Variants in FER1L5 observed in about 807,000 individuals in gnomAD.
FER1L5 encodes fer-1-like protein 5.
In FER1L5, 187 loss-of-function variants were observed where a neutral mutation model predicts 279.9. The ratio of observed to expected loss-of-function variants is 0.67; its 90% CI spans 0.59 to 0.75. The LOEUF (loss-of-function observed/expected upper bound fraction) is 0.75, where lower values mean the gene tolerates loss of function less well. Ranked by LOEUF, FER1L5 falls within the 30% of genes least tolerant of loss-of-function variation. FER1L5 has a pLI of 0.00. For missense variants in FER1L5, 2,091 were observed against 2,594.4 expected, an observed-to-expected ratio of 0.81 and a Z score of 4.21; for synonymous variants, 921 against 989.7, an observed-to-expected ratio of 0.93 and a Z score of 1.30.
chr2:96,643,990 G>A (rs946760375), intron 1 of FER1L5, among the ~76,000 whole-genome samples: 52 of 150,754 alleles, frequency 3.4e-4, no homozygotes, highest in Non-Finnish European at 6.5e-4. Context: ...TGGCCAACAC[G>A]GTGAAACCCT....
At chr2:96,648,078 C>T (rs1414191410) in intron 4 of FER1L5, among the ~76,000 whole-genome samples, 192 bp downstream of exon 4, 1 of 152,220 alleles carries the variant, frequency 6.6e-6, no homozygotes, top group African/African-American at 2.4e-5. Context: ...GACCGCCTTG[C>T]ATTGGGAGTC....
chr2:96,661,534 C>T (rs540653136), intron 11 of FER1L5, 94 bp downstream of exon 11: 1 of 1,507,384 alleles, frequency 6.6e-7, no homozygotes, highest in East Asian at 2.5e-5. Flanking sequence ...TCACATCTCT[C>T]CTTTGTCCGC....
At chr2:96,647,752 C>A in intron 3 of FER1L5, 26 bp from the exon 4 acceptor site, 1 of 1,509,734 alleles carries the variant, frequency 6.6e-7, no homozygotes, top group Non-Finnish European at 9.0e-7. Context: ...GGCTCAGGAT[C>A]TCACATCTGC....
At chr2:96,695,308 C>T (rs954964905) in intron 34 of FER1L5, 2 of 667,908 alleles carry the variant, frequency 3.0e-6, no homozygotes, top group South Asian at 2.4e-5. Context: ...GTCCCAGCCC[C>T]GAGGGCAAGC....
At chr2:96,677,177 T>C (rs1285935625) in intron 19 of FER1L5, among the ~76,000 whole-genome samples, 1 of 152,250 alleles carries the variant, frequency 6.6e-6, no homozygotes, top group Non-Finnish European at 1.5e-5. Flanking sequence ...GGCTTGCTAA[T>C]ATTTTGTTGA....
chr2:96,652,835 G>A (rs1406018990), intron 7 of FER1L5: 2 of 152,412 alleles, frequency 1.3e-5, no homozygotes, highest in Non-Finnish European at 2.9e-5. Context: ...CCTAGAAGGA[G>A]GTGTGGGCTC....
intron 31 of FER1L5, 136 bp from the exon 32 acceptor site, chr2:96,693,370 G>T: frequency 1.3e-6 from 1 of 773,434 alleles, no homozygotes; most frequent in Non-Finnish European, 2.0e-6. Context: ...ACTCTGAGGG[G>T]GCCTCTGGGA....
chr2:96,698,759 TC>T lies in FER1L5; in HGVS notation c.4450del (p.Gln1484SerfsTer28). On this transcript the variant is annotated frameshift_variant, in exon 41 of 53. Transcript: ENST00000624922. LOFTEE classifies it high-confidence loss of function. This position sits in a 1 kb window ranked among gnomAD's most constrained non-coding sequence, Gnocchi z 5.5. ...QFLVWPEREDFPQPCLVRVYM... is the reference protein window; with the variant it reads ...QFLVWPEREDXPQPCLVRVYM... ...TTGGTTTGGCCAGAGAGAGAGGACT[TC>T]CCCCAGCCGTGCTTGGTGCGGGTGT... 1 of 1,569,882 alleles carries T rather than the reference TC, an allele frequency of 6.4e-7. No individual in the cohort carries two copies. Among genetic ancestry groups the T allele is most frequent in the Non-Finnish European group, 8.6e-7 (1 of 1,158,234 alleles).
chr2:96,659,617 T>A (rs1371816838), intron 9 of FER1L5, among the ~76,000 whole-genome samples: 2 of 149,948 alleles, frequency 1.3e-5, no homozygotes, highest in African/African-American at 4.9e-5. Flanking sequence ...TGAACCTCCC[T>A]AGTAGCTGAG....
chr2:96,687,719 CAG>C, intron 23 of FER1L5, 95 bp from the exon 24 acceptor site: 9 of 1,437,580 alleles, frequency 6.3e-6, no homozygotes, highest in Non-Finnish European at 8.4e-6. Flanking sequence ...TCCCAGGGCT[CAG>C]GGGGGAAGGG....
chr2:96,651,493 TTTC>T (rs2075380275), intron 6 of FER1L5, among the ~76,000 whole-genome samples: 1 of 139,312 alleles, frequency 7.2e-6, no homozygotes, highest in African/African-American at 2.6e-5. Context: ...CCCTTCTTTC[TTTC>T]TTTCTGTCTT....
At position 96,702,678 on chromosome 2, in the gene FER1L5, C is replaced by CT. The variant is rs776147952; in HGVS notation, c.5335dup (p.Trp1779LeufsTer46). The CT allele has an allele frequency of 6.2e-7, 1 of 1,612,418 alleles. No individual in the cohort carries two copies. Among genetic ancestry groups the CT allele is most frequent in the Non-Finnish European group, 8.5e-7 (1 of 1,179,274 alleles). On this transcript the variant is annotated frameshift_variant, in exon 48 of 53. Transcript: ENST00000624922. LOFTEE classifies it high-confidence loss of function. The surrounding 1 kb of genome is among the most constrained non-coding windows in gnomAD (Gnocchi z 4.0). ...CGCTGACTGGGGAGGCCGACTTCAA[C>CT]TGGCGGTTCATCTTTACCATGGACT... is the stretch of plus-strand genomic sequence containing the variant.
intron 21 of FER1L5, 93 bp downstream of exon 21, chr2:96,685,522 C>T (rs866754198): frequency 9.4e-6 from 10 of 1,062,838 alleles, no homozygotes; most frequent in South Asian, 6.2e-5. Flanking sequence ...CACCTCCCCC[C>T]GCCCTCCTCG....
rs758400250 is a variant in FER1L5, at chr2:96,650,266, T to G, written c.481T>G (p.Ser161Ala). ...VPGSTAHRAL[S>A]SKPQHFQVRV... ...TGGCTCCACTGCGCACAGGGCTCTG[T>G]CCTCAAAGCCTCAGCACTTTCAGGT... is the stretch of plus-strand genomic sequence containing the variant. Residue 161 changes from serine (S) to alanine (A), a missense_variant, in exon 6 of 53, where the codon TCC becomes GCC. Transcript: ENST00000624922. 6.4e-7 allele frequency: 1 copy of G among 1,551,688 alleles called. No homozygotes were observed.
chr2:96,649,826 C>G, intron 5 of FER1L5, 149 bp downstream of exon 5: 1 of 751,220 alleles, frequency 1.3e-6, no homozygotes, highest in Non-Finnish European at 2.2e-6. Flanking sequence ...GCTACAGGGT[C>G]TAGATGCCAG....
At position 96,704,573 on chromosome 2, in the gene FER1L5, ATCCT is replaced by A. The variant is rs1431400507; in HGVS notation, c.6059_6062del (p.Leu2020ProfsTer7). The A allele has an allele frequency of 6.7e-5, 108 of 1,613,802 alleles. No individual in the cohort carries two copies. The highest frequency in any genetic ancestry group is 8.9e-5 in the Non-Finnish European group (105 of 1,179,876). ...AAACACCAGCAACGCCAGCTCTTCC[ATCCT>A]TCCCACCCAGGATCCAAACCTAAAG... On this transcript the variant is annotated frameshift_variant, in exon 53 of 53. Transcript: ENST00000624922. LOFTEE classifies it low-confidence loss of function (END_TRUNC).
chr2:96,673,243 T>C lies in FER1L5; in HGVS notation c.1658T>C (p.Val553Ala). Residue 553 changes from valine (V) to alanine (A), a missense_variant, in exon 19 of 53, where the codon GTG becomes GCG. By Grantham distance (64) the Val-to-Ala change is moderately conservative. Transcript: ENST00000624922. ...PLVSSTPYSP[V>A]IYDGNIYHYV... ...GTCTCAAGCACACCGTACAGCCCAGTGATATATGATGGTAATTGTCAGATT... is the reference window on the plus strand; with the variant it reads ...GTCTCAAGCACACCGTACAGCCCAGCGATATATGATGGTAATTGTCAGATT... 1 of 1,549,528 alleles carries C rather than the reference T, an allele frequency of 6.5e-7. No homozygotes were observed. Among genetic ancestry groups the C allele is most frequent in the Non-Finnish European group, 8.7e-7 (1 of 1,145,292 alleles).
At chr2:96,654,898 C>CAAAAAA (rs761973265) in intron 9 of FER1L5, 2 of 53,134 alleles carry the variant, frequency 3.8e-5, no homozygotes, top group Admixed American at 2.3e-4. Context: ...GACTCCATCT[C>CAAAAAA]AAAAAAAAAA....
At chr2:96,645,668 G>A (rs1416095563) in intron 1 of FER1L5, among the ~76,000 whole-genome samples, 2 of 152,108 alleles carry the variant, frequency 1.3e-5, no homozygotes, top group Non-Finnish European at 2.9e-5. Context: ...TGTAGTCCAA[G>A]CTACGTGGGA....
Sources: gnomAD v4.1 joint callset for allele counts (sites outside exome capture counted in the v4.1 genomes callset) on GRCh38, gnomAD v4.1.1 for gene constraint, Gnocchi (gnomAD v3.1) non-coding constraint, MANE v1.5 for transcripts, NCBI Gene and HGNC (gene_info 2026-07-23, HGNC 2026-07-21) for gene names.